The following SLC25A46 variants were observed in gnomAD, a reference collection of about 807,000 sequenced individuals.
SLC25A46 encodes the protein mitochondrial outer membrane protein SLC25A46.
SLC25A46 carries 39 observed loss-of-function variants against 44.6 expected under a neutral mutation model. That is an observed-to-expected ratio of 0.87 (90% CI 0.68 to 1.14). The LOEUF (loss-of-function observed/expected upper bound fraction) is 1.14. Among genes scored for constraint, SLC25A46 ranks in the 50% most tolerant of loss-of-function variants. The probability of loss-of-function intolerance (pLI) is 0.00; values close to 1 mark genes in which losing one functional copy is unlikely to be tolerated. For synonymous variants in SLC25A46, 202 were observed against 185.8 expected (o/e 1.09, Z -0.71); for missense variants, 547 against 522.7 (o/e 1.05, Z -0.45).
At chr5:110,751,507 G>T (rs551078277) in intron 5 of SLC25A46, among the ~76,000 whole-genome samples, 1 of 152,158 alleles carries the variant, frequency 6.6e-6, no homozygotes, top group Admixed American at 6.6e-5. Flanking sequence ...AAGGGTAAGG[G>T]TACAGAGCAG....
At chr5:110,738,354 G>A (rs984011921), upstream of SLC25A46, 2 of 782,358 alleles carry the variant, frequency 2.6e-6, no homozygotes, top group African/African-American at 1.9e-5. Context: ...AGACACATCA[G>A]AAAAAAATAC....
At position 110,739,374 on chromosome 5, in the gene SLC25A46, C is replaced by A. The variant is rs1403748718; in HGVS notation, c.255C>A (p.Gly85=). 1 of 1,550,856 alleles carries A rather than the reference C, an allele frequency of 6.4e-7. No individual in the cohort carries two copies. Among genetic ancestry groups the A allele is most frequent in the Non-Finnish European group, 8.7e-7 (1 of 1,151,284 alleles). The change falls in exon 1 of 8, where the codon GGC becomes GGA. Residue 85 remains glycine, a synonymous_variant. Coordinates refer to ENST00000355943, the MANE Select transcript of SLC25A46 (RefSeq NM_138773.4). ...GPTEEPFSSG[G]GGSVQGQSSE... is the part of the protein sequence containing the mutation. ...CGGAGGAACCCTTTTCCAGTGGCGG[C>A]GGCGGCAGTGTGCAGGGGCAGAGCA...
chr5:110,753,319 T>C (rs1400002281), intron 5 of SLC25A46: 1 of 144,884 alleles, frequency 6.9e-6, no homozygotes, highest in Non-Finnish European at 1.5e-5. Flanking sequence ...TTTTTTTTTT[T>C]AATTAGGATA....
intron 4 of SLC25A46, among the ~76,000 whole-genome samples, chr5:110,746,978 A>G (rs1381981877): frequency 6.6e-6 from 1 of 152,168 alleles, no homozygotes; most frequent in Non-Finnish European, 1.5e-5. Flanking sequence ...ACCTTCTAAG[A>G]ACTGCACACT....
chr5:110,756,473 G>C (rs546091681), intron 6 of SLC25A46, among the ~76,000 whole-genome samples: 2 of 152,090 alleles, frequency 1.3e-5, no homozygotes, highest in African/African-American at 4.8e-5. Context: ...TTCTTTGCAG[G>C]CTGTCCTTGT....
In SLC25A46 at chr5:110,739,068, C is replaced by G. The variant is rs888191453; in HGVS notation, c.-52C>G. On this transcript the variant is annotated 5_prime_UTR_variant, in exon 1 of 8. Coordinates refer to ENST00000355943, the MANE Select transcript of SLC25A46 (RefSeq NM_138773.4). The stretch of plus-strand genomic sequence containing the variant: ...GCTGTGTGTGCTTAGGTCGTGGTGG[C>G]CCCGGTGGTGGTGGGCTCCGGGCGG... 1.3e-6 allele frequency: 2 copies of G among 1,530,440 alleles called. No individual in the cohort carries two copies. The highest frequency in any genetic ancestry group is 1.7e-6 in the Non-Finnish European group (2 of 1,143,536). The allele number at this position is 1,530,440 out of a possible 1,614,324, so 94.8% of individuals were successfully genotyped here.
intron 1 of SLC25A46, chr5:110,741,656 AT>A (rs1349841681): frequency 2.6e-5 from 4 of 154,336 alleles, no homozygotes; most frequent in Non-Finnish European, 4.3e-5. Flanking sequence ...TATTTGTTTC[AT>A]TAGGCCAAGA....
intron 5 of SLC25A46, chr5:110,753,813 A>G (rs1800033215): frequency 6.6e-6 from 1 of 152,158 alleles, no homozygotes; most frequent in Non-Finnish European, 1.5e-5. Flanking sequence ...AGGGGAGGCT[A>G]CCCAGTCCTA....
chr5:110,752,089 C>T (rs1165019193), intron 5 of SLC25A46, among the ~76,000 whole-genome samples: 1 of 151,964 alleles, frequency 6.6e-6, no homozygotes, highest in East Asian at 1.9e-4. Flanking sequence ...GTCTCCTAGC[C>T]TGGGGTTTTT....
intron 5 of SLC25A46, chr5:110,753,612 C>G (rs1348955019): frequency 6.6e-6 from 1 of 151,862 alleles, no homozygotes; most frequent in East Asian, 1.9e-4. Context: ...TTTAAGTATG[C>G]TTATTTAAAT....
At position 110,742,047 on chromosome 5, in the gene SLC25A46, A is replaced by G; in HGVS notation, c.284A>G (p.Glu95Gly). Reference sequence around the variant, plus strand: ...TTATTTCTATTTTTTTTTACTTTAGAACAGCTGAATAGATTTGCTGGATTT... The same window carrying G: ...TTATTTCTATTTTTTTTTACTTTAGGACAGCTGAATAGATTTGCTGGATTT... The part of the protein sequence containing the change: ...GGGSVQGQSS[E>G]QLNRFAGFGI... Residue 95 changes from glutamate to glycine, a missense_variant and splice_region_variant, in exon 2 of 8, where the codon GAA (glutamate) becomes GGA (glycine). By Grantham distance (98) the Glu-to-Gly change is moderately conservative. Transcript: ENST00000355943. 3 of 1,568,306 alleles carry G rather than the reference A, an allele frequency of 1.9e-6. No homozygotes were observed. Among genetic ancestry groups the G allele is most frequent in the Non-Finnish European group, 2.6e-6 (3 of 1,152,304 alleles).
intron 5 of SLC25A46, among the ~76,000 whole-genome samples, chr5:110,751,687 T>C (rs769213031): frequency 3.9e-5 from 6 of 152,124 alleles, no homozygotes; most frequent in African/African-American, 1.2e-4. Flanking sequence ...TCTATTACAA[T>C]AATAAAGGTA....
chr5:110,739,710 G>A (rs1799581545), intron 1 of SLC25A46, among the ~76,000 whole-genome samples: 1 of 152,204 alleles, frequency 6.6e-6, no homozygotes, highest in Non-Finnish European at 1.5e-5. Context: ...ATTATTAACT[G>A]TTCCCTGATT....
intron 5 of SLC25A46, among the ~76,000 whole-genome samples, chr5:110,750,292 C>G (rs1799933053): frequency 6.6e-6 from 1 of 150,394 alleles, no homozygotes; most frequent in Non-Finnish European, 1.5e-5. Flanking sequence ...GTTTGGCTAA[C>G]TATTCACTTT....
Position 110,762,036 on chromosome 5 carries a change from A to C in SLC25A46, c.*254A>C. 1 of 326,496 alleles carries C rather than the reference A, an allele frequency of 3.1e-6. No individual in the cohort carries two copies. Among genetic ancestry groups the C allele is most frequent in the Non-Finnish European group, 5.6e-6 (1 of 178,594 alleles). The allele number at this position is 326,496 out of a possible 1,614,324, so 20.2% of individuals were successfully genotyped here. A position where few individuals can be genotyped will look rare whatever the true frequency, so the allele number is the denominator to read the frequency against. ...CTAGTTAGTGTAGCACTCATGCTGA[A>C]GTAAACATGATCGTAGGCAGAAGCA... On this transcript the variant is annotated 3_prime_UTR_variant, in exon 8 of 8. Coordinates refer to ENST00000355943, the MANE Select transcript of SLC25A46 (RefSeq NM_138773.4).
intron 5 of SLC25A46, among the ~76,000 whole-genome samples, chr5:110,750,395 C>T (rs986129795): frequency 3.3e-5 from 5 of 151,912 alleles, no homozygotes; most frequent in Middle Eastern, 3.4e-3. Context: ...AAAAAAATAA[C>T]AAAATGCAGG....
In SLC25A46 at chr5:110,761,946, G is replaced by T; in HGVS notation, c.*164G>T. On this transcript the variant is annotated 3_prime_UTR_variant, in exon 8 of 8. Coordinates refer to ENST00000355943, the MANE Select transcript of SLC25A46 (RefSeq NM_138773.4). This position sits in a 1 kb window ranked among gnomAD's most constrained non-coding sequence, Gnocchi z 5.3. Reference sequence around the variant, plus strand: ...CTTGACTTTGTTTTTTAAGGCATAGGTATATATTTTGGATCAAAATCCTTC... The same window carrying T: ...CTTGACTTTGTTTTTTAAGGCATAGTTATATATTTTGGATCAAAATCCTTC... 1 of 585,458 alleles carries T rather than the reference G, an allele frequency of 1.7e-6. No individual in the cohort carries two copies. The highest frequency in any genetic ancestry group is 2.5e-5 in the South Asian group (1 of 39,960). The allele number at this position is 585,458 out of a possible 1,614,324, so 36.3% of individuals were successfully genotyped here.
At chr5:110,749,650 G>C (rs1011472054) in intron 5 of SLC25A46, among the ~76,000 whole-genome samples, 8 of 151,912 alleles carry the variant, frequency 5.3e-5, no homozygotes, top group Non-Finnish European at 7.4e-5. Context: ...ATTTGAGAGA[G>C]AGGGTAGAGA....
intron 5 of SLC25A46, among the ~76,000 whole-genome samples, chr5:110,751,463 C>A (rs1799967342): frequency 6.6e-6 from 1 of 152,088 alleles, no homozygotes; most frequent in Non-Finnish European, 1.5e-5. Flanking sequence ...TCAGGTGTAA[C>A]TGAGAGAAGC....
Sources: gnomAD v4.1 joint callset for allele counts (sites outside exome capture counted in the v4.1 genomes callset) on GRCh38, gnomAD v4.1.1 for gene constraint, Gnocchi (gnomAD v3.1) non-coding constraint, MANE v1.5 for transcripts, NCBI Gene and HGNC (gene_info 2026-07-23, HGNC 2026-07-21) for gene names.